PHC3: variants seen among roughly 807,000 people sequenced by gnomAD.
PHC3 encodes the protein polyhomeotic homolog 3.
Under a neutral mutation model 107.4 loss-of-function variants are expected in PHC3, and 13 were observed. That is an observed-to-expected ratio of 0.12 (90% CI 0.08 to 0.19). The LOEUF is 0.19. PHC3 is among the 10% of genes least tolerant of loss of function. The pLI is 1.00. For missense variants in PHC3, 992 were observed against 1,210.9 expected (o/e 0.82, Z 2.68); for synonymous variants, 456 against 427.4 (o/e 1.07, Z -0.83).
intron 10 of PHC3, among the ~76,000 whole-genome samples, chr3:170,115,806 T>C (rs1258711651): frequency 6.6e-6 from 1 of 152,066 alleles, no homozygotes; most frequent in Non-Finnish European, 1.5e-5. Context: ...CCAGTCAGTA[T>C]GGAGCAGACA....
chr3:170,108,265 A>G (rs1716957455), intron 11 of PHC3, among the ~76,000 whole-genome samples: 1 of 152,220 alleles, frequency 6.6e-6, no homozygotes, highest in Non-Finnish European at 1.5e-5. Context: ...AAAGACTAAG[A>G]TAAATACAAG....
chr3:170,129,063 A>C lies in PHC3; in HGVS notation c.1409T>G (p.Leu470Arg), dbSNP rs890202476. The C allele has an allele frequency of 6.2e-7, 1 of 1,611,992 alleles. No individual in the cohort carries two copies. The highest frequency in any genetic ancestry group is 1.3e-5 in the African/African-American group (1 of 75,050). ...AATGTGTACAACAGGGGAAGCTGGA[A>C]GTGGAAGATGGGATGGAAGATTCAA... is the stretch of plus-strand genomic sequence containing the variant. Reference protein sequence around the residue: ...AQLNLPSHLPLPASPVVHIGP... With the variant: ...AQLNLPSHLPRPASPVVHIGP... Residue 470 changes from leucine (L) to arginine (R), a missense_variant, in exon 8 of 15, where the codon CTT becomes CGT. Coordinates refer to ENST00000495893, the MANE Select transcript of PHC3 (RefSeq NM_024947.4).
chr3:170,175,834 G>A (rs558470333), intron 2 of PHC3, among the ~76,000 whole-genome samples: 20 of 151,628 alleles, frequency 1.3e-4, no homozygotes, highest in African/African-American at 4.4e-4. Flanking sequence ...TGAGGCAGGA[G>A]AATCGCTTGG....
At chr3:170,110,960 A>G (rs1475423747) in intron 11 of PHC3, among the ~76,000 whole-genome samples, 3 of 152,204 alleles carry the variant, frequency 2.0e-5, no homozygotes, top group African/African-American at 4.8e-5. Context: ...TTCACTTCAC[A>G]TGAGAATGCT....
intron 8 of PHC3, chr3:170,125,981 C>G: frequency 1.0e-6 from 1 of 980,606 alleles, no homozygotes; most frequent in Non-Finnish European, 1.2e-6. Context: ...GTCCAATATT[C>G]CCATCTGTTT....
chr3:170,107,022 G>T (rs1336529710), intron 11 of PHC3, 76 bp from the exon 12 acceptor site: 2 of 996,578 alleles, frequency 2.0e-6, no homozygotes, highest in South Asian at 1.7e-5. Flanking sequence ...TCTATACTTT[G>T]GTTGGATACT....
chr3:170,146,495 T>G (rs1318232125), intron 5 of PHC3, among the ~76,000 whole-genome samples: 1 of 151,648 alleles, frequency 6.6e-6, no homozygotes, highest in African/African-American at 2.4e-5. Context: ...GACATTTAAT[T>G]TTTTTACTTA....
Position 170,128,903 on chromosome 3 carries a change from A to C in PHC3, c.1569T>G (p.Ala523=). 1 of 1,614,038 alleles carries C rather than the reference A, an allele frequency of 6.2e-7. No homozygotes were observed. Among genetic ancestry groups the C allele is most frequent in the Non-Finnish European group, 8.5e-7 (1 of 1,179,880 alleles). The change falls in exon 8 of 15, where the codon GCT becomes GCG. Residue 523 remains alanine (A), a synonymous_variant. Coordinates refer to ENST00000495893, the MANE Select transcript of PHC3 (RefSeq NM_024947.4). ...ACTGCAAGGGCAGTGGTGGAATCTG[A>C]GCTGGAGGAGATGTCGACATCTGTG... The part of the protein sequence containing the change: ...SPPQMSTSPP[A]QIPPLPLQSM...
At chr3:170,128,632 T>C (rs896414938) in intron 8 of PHC3, 52 bp downstream of exon 8, 21 of 1,554,178 alleles carry the variant, frequency 1.4e-5, no homozygotes, top group South Asian at 4.9e-5. Context: ...TGGGAAAAAA[T>C]AGTTTTTACT....
rs781775359 is a variant in PHC3, at chr3:170,136,428, T to A, written c.910A>T (p.Ile304Leu). Residue 304 changes from isoleucine to leucine, a missense_variant, in exon 7 of 15, where the codon ATA (isoleucine) becomes TTA (leucine). Ile to Leu is a conservative substitution (Grantham distance 5, BLOSUM62 2). Around this residue, in one of 6 missense-constraint regions of PHC3, gnomAD observed 543 missense variants for 590.8 expected, o/e 0.92. Transcript: ENST00000495893. ...AAAAGTTTTATCCCACCTGGTGCTA[T>A]TAACTGGTGAATACTTGATGTCCGG... is the stretch of plus-strand genomic sequence containing the variant. ...VTRTSSIHQLIAPASYSPIQP... is the reference protein window; with the variant it reads ...VTRTSSIHQLLAPASYSPIQP... 6.2e-7 allele frequency: 1 copy of A among 1,609,956 alleles called. No homozygotes were observed. The highest frequency in any genetic ancestry group is 8.5e-7 in the Non-Finnish European group (1 of 1,178,694).
Position 170,097,511 on chromosome 3 carries a change from T to C in PHC3, c.2834-127A>G, listed in dbSNP as rs1714777828. ...AATACAGGCTGAGAAACAAATGAAA[T>C]TTATTTATGGTAGTCTTGAGTTCAC... On this transcript the variant is annotated intron_variant, in intron 14 of 14. Transcript: ENST00000495893. This position sits in a 1 kb window ranked among gnomAD's most constrained non-coding sequence, Gnocchi z 4.1. The C allele has an allele frequency of 2.2e-6, 2 of 894,086 alleles. No homozygotes were observed. The highest frequency in any genetic ancestry group is 3.2e-6 in the Non-Finnish European group (2 of 634,656). 55.4% of individuals were successfully genotyped at this position (894,086 alleles called of 1,614,324 possible). A position where few individuals can be genotyped will look rare whatever the true frequency, so the allele number is the denominator to read the frequency against.
chr3:170,164,622 G>GA (rs1577234999), intron 4 of PHC3, among the ~76,000 whole-genome samples: 1 of 152,016 alleles, frequency 6.6e-6, no homozygotes, highest in Non-Finnish European at 1.5e-5. Context: ...AAAGGTAAAG[G>GA]AAAAAATACA....
intron 7 of PHC3, among the ~76,000 whole-genome samples, chr3:170,130,927 C>T (rs1426292824): frequency 1.3e-5 from 2 of 150,962 alleles, no homozygotes; most frequent in Admixed American, 6.6e-5. Flanking sequence ...TTTTTCCTAA[C>T]CTTGGAATAT....
chr3:170,128,630 AAT>A, intron 8 of PHC3, 52 bp downstream of exon 8: 2 of 1,552,880 alleles, frequency 1.3e-6, no homozygotes. Context: ...TGTGGGAAAA[AAT>A]AGTTTTTACT....
At chr3:170,165,891 C>A (rs1728671781) in intron 4 of PHC3, among the ~76,000 whole-genome samples, 1 of 150,834 alleles carries the variant, frequency 6.6e-6, no homozygotes, top group South Asian at 2.1e-4. Context: ...TCACTTGAGC[C>A]CAAGTGTTGG....
At chr3:170,150,533 A>AAAAAAAAAAAG (rs1725744872) in intron 4 of PHC3, 2 of 142,252 alleles carry the variant, frequency 1.4e-5, no homozygotes, top group Non-Finnish European at 2.9e-5. Flanking sequence ...GTCTCTACTA[A>AAAAAAAAAAAG]AAAAAAAAAA....
chr3:170,177,101 AG>A (rs970020697), intron 2 of PHC3, among the ~76,000 whole-genome samples: 1 of 152,150 alleles, frequency 6.6e-6, no homozygotes, highest in African/African-American at 2.4e-5. Flanking sequence ...TCTGCCCCTA[AG>A]GTATTTAGAA....
chr3:170,119,356 A>T (rs1230110960), intron 9 of PHC3, among the ~76,000 whole-genome samples: 2 of 152,236 alleles, frequency 1.3e-5, no homozygotes, highest in Non-Finnish European at 2.9e-5. Context: ...CTTTTAAAAT[A>T]TAAAGCTGCA....
chr3:170,093,016 TTCC>T lies in PHC3; in HGVS notation c.*4211_*4213del, dbSNP rs1440238199. 2.0e-5 allele frequency: 3 copies of T among 152,372 alleles called. No individual in the cohort carries two copies. Among genetic ancestry groups the T allele is most frequent in the Admixed American group, 6.5e-5 (1 of 15,284 alleles). 9.4% of individuals were successfully genotyped at this position (152,372 alleles called of 1,614,324 possible). ...ATCCTCTTGGGTCTAGAATGCTTTG[TTCC>T]TCCTACTTGTCTCCTCCTCTACTTC... On this transcript the variant is annotated 3_prime_UTR_variant, in exon 15 of 15. Transcript: ENST00000495893.
Sources: gnomAD v4.1 joint callset for allele counts (sites outside exome capture counted in the v4.1 genomes callset) on GRCh38, gnomAD v4.1.1 for gene constraint, gnomAD v4.1.1 regional missense constraint, Gnocchi (gnomAD v3.1) non-coding constraint, MANE v1.5 for transcripts, NCBI Gene and HGNC (gene_info 2026-07-23, HGNC 2026-07-21) for gene names.